LY6D: variants seen among roughly 807,000 people sequenced by gnomAD.
The protein encoded by LY6D is lymphocyte antigen 6D.
In LY6D, 7 loss-of-function variants were observed where a neutral mutation model predicts 5.6. The ratio of observed to expected loss-of-function variants is 1.24; its 90% CI spans 0.71 to 2.34. The LOEUF (loss-of-function observed/expected upper bound fraction) is 2.34, where lower values mean the gene tolerates loss of function less well. Among genes scored for constraint, LY6D ranks in the 30% most tolerant of loss-of-function variants. LY6D has a pLI of 0.00. For synonymous variants in LY6D, 81 were observed against 75.0 expected, an observed-to-expected ratio of 1.08 and a Z score of -0.41; for missense variants, 148 against 164.8, an observed-to-expected ratio of 0.90 and a Z score of 0.56.
chr8:142,785,170 T>A lies in LY6D; in HGVS notation c.*51A>T, dbSNP rs191460610. On this transcript the variant is annotated 3_prime_UTR_variant, in exon 3 of 3. Transcript: ENST00000301263. ...GCGGCTGGGGAAGAGAGGTGTGGAA[T>A]CCCCAGAGAAAGGGAAGGAAAGGCA... 0.017 allele frequency: 23,844 copies of A among 1,430,366 alleles called. 250 individuals carry two copies. Among genetic ancestry groups the A allele is most frequent in the Non-Finnish European group, 0.019 (19,659 of 1,038,238 alleles). 88.6% of individuals were successfully genotyped at this position (1,430,366 alleles called of 1,614,324 possible).
intron 1 of LY6D, chr8:142,786,103 G>A: frequency 1.7e-6 from 2 of 1,198,784 alleles, no homozygotes; most frequent in Non-Finnish European, 2.1e-6. Flanking sequence ...ATGACAGGAA[G>A]GGCTTGGTGG....
Position 142,785,160 on chromosome 8 carries a change from A to C in LY6D, c.*61T>G. On this transcript the variant is annotated 3_prime_UTR_variant, in exon 3 of 3. Coordinates refer to ENST00000301263, the MANE Select transcript of LY6D (RefSeq NM_003695.3). ...CACCCCCGTTGCGGCTGGGGAAGAG[A>C]GGTGTGGAATCCCCAGAGAAAGGGA... The C allele has an allele frequency of 5.2e-6, 7 of 1,346,778 alleles. No homozygotes were observed. The highest frequency in any genetic ancestry group is 6.2e-6 in the Non-Finnish European group (6 of 973,496). 83.4% of individuals were successfully genotyped at this position (1,346,778 alleles called of 1,614,324 possible).
In LY6D at chr8:142,785,692, C is replaced by G. The variant is rs376235496; in HGVS notation, c.53-5G>C. 1 of 1,613,106 alleles carries G rather than the reference C, an allele frequency of 6.2e-7. No individual in the cohort carries two copies. Among genetic ancestry groups the G allele is most frequent in the Non-Finnish European group, 8.5e-7 (1 of 1,179,872 alleles). On this transcript the variant is annotated splice_region_variant and splice_polypyrimidine_tract_variant and intron_variant, in intron 1 of 2. Transcript: ENST00000301263. Reference sequence around the variant, plus strand: ...CGTGGCAGCGCAGGGTAAGGGCTGGCGGGGAGGGAGTCCGGCTCAGCGGGC... The same window carrying G: ...CGTGGCAGCGCAGGGTAAGGGCTGGGGGGGAGGGAGTCCGGCTCAGCGGGC...
At chr8:142,786,142 G>A in intron 1 of LY6D, 1 of 1,239,746 alleles carries the variant, frequency 8.1e-7, no homozygotes, top group Non-Finnish European at 1.0e-6. Flanking sequence ...CTGTGCTGGG[G>A]GAGACCTGGG....
Position 142,785,006 on chromosome 8 carries a change from G to T in LY6D, c.*215C>A, listed in dbSNP as rs559782591. 3.6e-6 allele frequency: 2 copies of T among 562,166 alleles called. No homozygotes were observed. The highest frequency in any genetic ancestry group is 3.0e-5 in the Admixed American group (1 of 33,104). The allele number at this position is 562,166 out of a possible 1,614,324, so 34.8% of individuals were successfully genotyped here. ...TCCTCCACCTTCCATGCAGCTGGGG[G>T]CTGCATCCTCTGTGGGGTGGCTTCA... is the stretch of plus-strand genomic sequence containing the variant. On this transcript the variant is annotated 3_prime_UTR_variant, in exon 3 of 3. Coordinates refer to ENST00000301263, the MANE Select transcript of LY6D (RefSeq NM_003695.3).
intron 1 of LY6D, chr8:142,786,126 C>T (rs970896537): frequency 8.1e-7 from 1 of 1,237,446 alleles, no homozygotes; most frequent in Non-Finnish European, 1.0e-6. Flanking sequence ...TTTGGGCTGT[C>T]CTGGGCTGTG....
chr8:142,786,322 T>C (rs1343532367), intron 1 of LY6D, 143 bp downstream of exon 1: 8 of 1,376,532 alleles, frequency 5.8e-6, no homozygotes, highest in Non-Finnish European at 7.5e-6. Context: ...TCGGGCTCCA[T>C]GTTGTTTTAA....
chr8:142,785,587 A>T lies in LY6D; in HGVS notation c.151+2T>A. Reference sequence around the variant, plus strand: ...AGGGACACCTGGACAGATGCTACCCACCTGTGTTCGTGGTCTTGCAGAAGC... The same window carrying T: ...AGGGACACCTGGACAGATGCTACCCTCCTGTGTTCGTGGTCTTGCAGAAGC... On this transcript the variant is annotated splice_donor_variant, in intron 2 of 2. Coordinates refer to ENST00000301263, the MANE Select transcript of LY6D (RefSeq NM_003695.3). LOFTEE classifies it high-confidence loss of function. 6.2e-7 allele frequency: 1 copy of T among 1,613,288 alleles called. No homozygotes were observed. Among genetic ancestry groups the T allele is most frequent in the Non-Finnish European group, 8.5e-7 (1 of 1,179,814 alleles).
chr8:142,785,043 G>T lies in LY6D; in HGVS notation c.*178C>A. On this transcript the variant is annotated 3_prime_UTR_variant, in exon 3 of 3. Coordinates refer to ENST00000301263, the MANE Select transcript of LY6D (RefSeq NM_003695.3). ...GTGGGGTGGCTTCATCCTCTGTGGGGTCTGTGGGGCCTGCTCCAAGTCATC... is the reference window on the plus strand; with the variant it reads ...GTGGGGTGGCTTCATCCTCTGTGGGTTCTGTGGGGCCTGCTCCAAGTCATC... 5.0e-6 allele frequency: 3 copies of T among 599,006 alleles called. No homozygotes were observed. Among genetic ancestry groups the T allele is most frequent in the Non-Finnish European group, 8.9e-6 (3 of 338,102 alleles). The allele number at this position is 599,006 out of a possible 1,614,324, so 37.1% of individuals were successfully genotyped here. A position where few individuals can be genotyped will look rare whatever the true frequency, so the allele number is the denominator to read the frequency against.
In LY6D at chr8:142,785,131, C is replaced by T. The variant is rs567396965; in HGVS notation, c.*90G>A. Reference sequence around the variant, plus strand: ...CGGGGAAGCCCTCAGCCTGGGGCTCCTGGCACCCCCGTTGCGGCTGGGGAA... The same window carrying T: ...CGGGGAAGCCCTCAGCCTGGGGCTCTTGGCACCCCCGTTGCGGCTGGGGAA... On this transcript the variant is annotated 3_prime_UTR_variant, in exon 3 of 3. Transcript: ENST00000301263. 1.8e-4 allele frequency: 193 copies of T among 1,080,680 alleles called. 4 individuals carry two copies. The South Asian group carries it at 3.0e-3, about 17-fold the overall frequency. The allele number at this position is 1,080,680 out of a possible 1,614,324, so 66.9% of individuals were successfully genotyped here. A position where few individuals can be genotyped will look rare whatever the true frequency, so the allele number is the denominator to read the frequency against.
At chr8:142,786,388 G>A in intron 1 of LY6D, 77 bp downstream of exon 1, 1 of 1,480,276 alleles carries the variant, frequency 6.8e-7, no homozygotes, top group South Asian at 1.4e-5. Context: ...GATGTCGTCA[G>A]CTCCAGGCTC....
At chr8:142,785,560 C>G in intron 2 of LY6D, 29 bp downstream of exon 2, 1 of 1,610,116 alleles carries the variant, frequency 6.2e-7, no homozygotes, top group Non-Finnish European at 8.5e-7. Context: ...TCCCCCAGCC[C>G]CAGGGACACC....
At chr8:142,786,239 G>A in intron 1 of LY6D, 1 of 1,355,664 alleles carries the variant, frequency 7.4e-7, no homozygotes, top group Non-Finnish European at 9.5e-7. Context: ...ACTCTCTCAG[G>A]GTCCGTGACT....
Position 142,786,473 on chromosome 8 carries a change from G to A in LY6D, c.44C>T (p.Thr15Ile), listed in dbSNP as rs1195247263. Residue 15 changes from threonine (T) to isoleucine (I), a missense_variant, in exon 1 of 3, where the codon ACA becomes ATA. Transcript: ENST00000301263. ...LLLLAALAVA[T>I]GPALTLRCHV... ...TTGGCCCAGCCCCTCACCTGGCCCT[G>A]TAGCCACAGCCAGGGCTGCAAGGAG... 2 of 1,546,426 alleles carry A rather than the reference G, an allele frequency of 1.3e-6. No individual in the cohort carries two copies. The highest frequency in any genetic ancestry group is 2.4e-5 in the South Asian group (2 of 83,540).
intron 1 of LY6D, 138 bp from the exon 2 acceptor site, chr8:142,785,825 C>G: frequency 6.9e-7 from 1 of 1,459,022 alleles, no homozygotes; most frequent in South Asian, 1.4e-5. Context: ...AACCCGGGCT[C>G]TGGGTCCTGG....
chr8:142,785,479 A>C, intron 2 of LY6D, 23 bp from the exon 3 acceptor site: 1 of 1,601,552 alleles, frequency 6.2e-7, no homozygotes, highest in East Asian at 2.2e-5. Context: ...GAGTGTGGTC[A>C]GGCCAGGCAG....
chr8:142,786,252 A>T, intron 1 of LY6D: 1 of 1,372,792 alleles, frequency 7.3e-7, no homozygotes, highest in Non-Finnish European at 9.4e-7. Flanking sequence ...CCGTGACTCC[A>T]GGAGTCAGTT....
At chr8:142,785,840 G>T in intron 1 of LY6D, 153 bp from the exon 2 acceptor site, 11 of 1,449,544 alleles carry the variant, frequency 7.6e-6, no homozygotes, top group Non-Finnish European at 1.0e-5. Flanking sequence ...TCCTGGCAGG[G>T]CATGTGCCCT....
intron 1 of LY6D, 36 bp from the exon 2 acceptor site, chr8:142,785,723 A>C: frequency 6.2e-7 from 1 of 1,610,734 alleles, no homozygotes. Context: ...CGGGCCCAAC[A>C]GAGGCCTCCT....
Sources: allele counts gnomAD v4.1 joint callset, GRCh38; gene constraint gnomAD v4.1.1; transcripts MANE v1.5; gene names NCBI Gene and HGNC (gene_info 2026-07-23, HGNC 2026-07-21).